ZDHHC8: variants seen among roughly 807,000 people sequenced by gnomAD.
The protein encoded by ZDHHC8 is palmitoyltransferase ZDHHC8.
In ZDHHC8, 24 loss-of-function variants were observed where a neutral mutation model predicts 61.2. The observed-to-expected ratio is 0.39, with a 90% CI of 0.28 to 0.55. ZDHHC8 has a LOEUF of 0.55. Among genes scored for constraint, ZDHHC8 ranks in the 20% least tolerant of loss-of-function variants. The pLI is 0.60. For synonymous variants in ZDHHC8, 523 were observed against 492.5 expected, an observed-to-expected ratio of 1.06 and a Z score of -0.82; for missense variants, 935 against 1,102.1, an observed-to-expected ratio of 0.85 and a Z score of 2.15.
chr22:20,139,862 A>T lies in ZDHHC8; in HGVS notation c.527A>T (p.Glu176Val). The change falls in exon 4 of 11, where the codon GAG becomes GTG. Residue 176 changes from glutamate (E) to valine (V), a missense_variant. Glu to Val is a moderately radical substitution (Grantham distance 121). Coordinates refer to ENST00000334554, the MANE Select transcript of ZDHHC8 (RefSeq NM_013373.4). ...CTGGTCTACGTGCTGAACCACGCTG[A>T]GGGGCTGGGAGCCGCGCACACCACC... ...FGLVYVLNHA[E>V]GLGAAHTTIT... The T allele has an allele frequency of 6.3e-7, 1 of 1,595,746 alleles. No homozygotes were observed. Among genetic ancestry groups the T allele is most frequent in the Non-Finnish European group, 8.5e-7 (1 of 1,170,530 alleles).
chr22:20,143,164 G>C lies in ZDHHC8; in HGVS notation c.1534G>C (p.Gly512Arg). ...AGYHSPYLHP[G>R]ATGDPPRPLP... The stretch of plus-strand genomic sequence containing the variant: ...ATACCACTCACCCTACCTGCATCCT[G>C]GGGCAACGGGCGACCCGCCACGGCC... Residue 512 changes from glycine (G) to arginine (R), a missense_variant, in exon 10 of 11, where the codon GGG (glycine) becomes CGG (arginine). Coordinates refer to ENST00000334554, the MANE Select transcript of ZDHHC8 (RefSeq NM_013373.4). The C allele has an allele frequency of 1.2e-6, 2 of 1,611,266 alleles. No homozygotes were observed. Among genetic ancestry groups the C allele is most frequent in the Non-Finnish European group, 1.7e-6 (2 of 1,179,752 alleles).
intron 1 of ZDHHC8, among the ~76,000 whole-genome samples, chr22:20,136,883 A>C (rs969383146): frequency 6.6e-6 from 1 of 152,152 alleles, no homozygotes; most frequent in Non-Finnish European, 1.5e-5. Context: ...GTGTGTGTCC[A>C]TGTCTTCACA....
chr22:20,141,387 C>G, intron 8 of ZDHHC8, 34 bp from the exon 9 acceptor site: 1 of 1,612,084 alleles, frequency 6.2e-7, no homozygotes, highest in Non-Finnish European at 8.5e-7. Context: ...TGACCCTCCT[C>G]TGACCTCAGT....
chr22:20,136,322 C>G (rs143163682), intron 1 of ZDHHC8, among the ~76,000 whole-genome samples: 258 of 152,394 alleles, frequency 1.7e-3, no homozygotes, highest in African/African-American at 6.1e-3. Context: ...TAGGCCCTGC[C>G]TGTGGGAATG....
At position 20,145,557 on chromosome 22, in the gene ZDHHC8, C is replaced by T; in HGVS notation, c.*157C>T. 1 of 1,288,272 alleles carries T rather than the reference C, an allele frequency of 7.8e-7. No homozygotes were observed. Among genetic ancestry groups the T allele is most frequent in the Non-Finnish European group, 9.8e-7 (1 of 1,017,856 alleles). The allele number at this position is 1,288,272 out of a possible 1,614,324, so 79.8% of individuals were successfully genotyped here. The stretch of plus-strand genomic sequence containing the variant: ...AGAGTGCCACGCCTCCACAGCTTGC[C>T]CCAAGCGCTCTGCCTGCCCGTCCAC... On this transcript the variant is annotated 3_prime_UTR_variant, in exon 11 of 11. Transcript: ENST00000334554.
Position 20,145,461 on chromosome 22 carries a change from C to G in ZDHHC8, c.*61C>G, listed in dbSNP as rs1192394277. On this transcript the variant is annotated 3_prime_UTR_variant, in exon 11 of 11. Coordinates refer to ENST00000334554, the MANE Select transcript of ZDHHC8 (RefSeq NM_013373.4). ...GGACCAGGACCCCACAGCGCACCCC[C>G]CCTCCCCACCAACTTCTCTGCCCCA... is the stretch of plus-strand genomic sequence containing the variant. 49 of 1,351,434 alleles carry G rather than the reference C, an allele frequency of 3.6e-5. No homozygotes were observed. The highest frequency in any genetic ancestry group is 4.5e-5 in the Non-Finnish European group (47 of 1,049,298). 83.7% of individuals were successfully genotyped at this position (1,351,434 alleles called of 1,614,324 possible).
intron 6 of ZDHHC8, 58 bp from the exon 7 acceptor site, chr22:20,140,813 C>T: frequency 2.5e-6 from 4 of 1,599,358 alleles, no homozygotes; most frequent in Non-Finnish European, 3.4e-6. Context: ...ATGGCCAGCC[C>T]TGCCCTTGTG....
chr22:20,141,374 G>T, intron 8 of ZDHHC8, 37 bp downstream of exon 8: 1 of 1,611,826 alleles, frequency 6.2e-7, no homozygotes, highest in East Asian at 2.2e-5. Flanking sequence ...GAGGGATATG[G>T]GTTGACCCTC....
Position 20,146,922 on chromosome 22 carries a change from G to A in ZDHHC8, c.*1522G>A. The A allele has an allele frequency of 7.4e-7, 1 of 1,347,226 alleles. No homozygotes were observed. The highest frequency in any genetic ancestry group is 9.5e-7 in the Non-Finnish European group (1 of 1,053,898). 83.5% of individuals were successfully genotyped at this position (1,347,226 alleles called of 1,614,324 possible). A position where few individuals can be genotyped will look rare whatever the true frequency, so the allele number is the denominator to read the frequency against. On this transcript the variant is annotated 3_prime_UTR_variant, in exon 11 of 11. Transcript: ENST00000334554. Reference sequence around the variant, plus strand: ...CAGCTGTTCAGGGCTGAGACATTCTGGGCTGGGGCTGTCCCAGCGTGGGAG... The same window carrying A: ...CAGCTGTTCAGGGCTGAGACATTCTAGGCTGGGGCTGTCCCAGCGTGGGAG...
intron 9 of ZDHHC8, among the ~76,000 whole-genome samples, chr22:20,142,148 C>T (rs745312763): frequency 3.3e-5 from 5 of 152,178 alleles, no homozygotes; most frequent in Non-Finnish European, 7.4e-5. Flanking sequence ...GGACCTCTCC[C>T]CTCAGGACTG....
Position 20,143,726 on chromosome 22 carries a change from C to T in ZDHHC8, c.2096C>T (p.Pro699Leu). 1.2e-6 allele frequency: 2 copies of T among 1,609,966 alleles called. No homozygotes were observed. Among genetic ancestry groups the T allele is most frequent in the African/African-American group, 1.3e-5 (1 of 75,012 alleles). Residue 699 changes from proline (P) to leucine (L), a missense_variant, in exon 10 of 11, where the codon CCA becomes CTA. This residue lies in a region of ZDHHC8 where 692 missense variants were observed against 731.4 expected (regional missense o/e 0.95). Transcript: ENST00000334554. ...KAVAFIHTDL[P>L]EPPPSLTVQR... ...GTCGCCTTCATCCACACGGACCTCCCAGAGCCACCGCCCTCGCTGACCGTG... is the reference window on the plus strand; with the variant it reads ...GTCGCCTTCATCCACACGGACCTCCTAGAGCCACCGCCCTCGCTGACCGTG...
chr22:20,144,863 G>T (rs1202705144), intron 10 of ZDHHC8, among the ~76,000 whole-genome samples: 2 of 152,252 alleles, frequency 1.3e-5, no homozygotes, highest in African/African-American at 4.8e-5. Flanking sequence ...ATGAGGCCAG[G>T]CAGAGTGGCT....
At chr22:20,133,653 C>A (rs558825650) in intron 1 of ZDHHC8, among the ~76,000 whole-genome samples, 2 of 149,722 alleles carry the variant, frequency 1.3e-5, no homozygotes, top group South Asian at 4.2e-4. Context: ...CACTTGAACC[C>A]GTAAGGCGGA....
At position 20,140,666 on chromosome 22, in the gene ZDHHC8, G is replaced by A; in HGVS notation, c.710G>A (p.Cys237Tyr). The A allele has an allele frequency of 1.2e-6, 2 of 1,612,032 alleles. No homozygotes were observed. The highest frequency in any genetic ancestry group is 8.5e-7 in the Non-Finnish European group (1 of 1,179,648). ...GGVNPFTRGC[C>Y]GNVEHVLCSP... is the part of the protein sequence containing the mutation. ...GTGAACCCTTTCACCCGAGGCTGCT[G>A]TGGGAATGTGGAGCACGTGCTGTGT... Residue 237 changes from cysteine to tyrosine, a missense_variant, in exon 6 of 11, where the codon TGT (cysteine) becomes TAT (tyrosine). By Grantham distance (194) the Cys-to-Tyr change is radical. This residue lies in a region of ZDHHC8 where 199 missense variants were observed against 334.0 expected (regional missense o/e 0.60). Coordinates refer to ENST00000334554, the MANE Select transcript of ZDHHC8 (RefSeq NM_013373.4).
At chr22:20,135,157 C>G (rs2050409373) in intron 1 of ZDHHC8, among the ~76,000 whole-genome samples, 1 of 151,828 alleles carries the variant, frequency 6.6e-6, no homozygotes, top group Non-Finnish European at 1.5e-5. Flanking sequence ...CGCTATGTTG[C>G]CCAGGCTATT....
At position 20,145,237 on chromosome 22, in the gene ZDHHC8, C is replaced by G; in HGVS notation, c.2135C>G (p.Pro712Arg). ...PPSLTVQRDH[P>R]QLKTPPSKLN... ...TGCTTGTTTTGATGCAGGGACCACC[C>G]TCAGCTGAAGACTCCCCCAAGTAAG... The change falls in exon 11 of 11, where the codon CCT (proline) becomes CGT (arginine). Residue 712 changes from proline (P) to arginine (R), a missense_variant. By Grantham distance (103) the Pro-to-Arg change is moderately radical. Around this residue, in one of 3 missense-constraint regions of ZDHHC8, gnomAD observed 692 missense variants for 731.4 expected, o/e 0.95. Coordinates refer to ENST00000334554, the MANE Select transcript of ZDHHC8 (RefSeq NM_013373.4). 6.7e-7 allele frequency: 1 copy of G among 1,494,480 alleles called. No individual in the cohort carries two copies. The highest frequency in any genetic ancestry group is 2.5e-5 in the East Asian group (1 of 40,132). The allele number at this position is 1,494,480 out of a possible 1,614,324, so 92.6% of individuals were successfully genotyped here.
At position 20,139,530 on chromosome 22, in the gene ZDHHC8, C is replaced by T. The variant is rs1381266438; in HGVS notation, c.279C>T (p.Asn93=). ...ACTTCCGGGCTCCGCTGTACAAGAA[C>T]GTGGATGTGCGAGGTATCCAGGTCC... The part of the protein sequence containing the change: ...EDDFRAPLYK[N]VDVRGIQVRM... Residue 93 remains asparagine, a synonymous_variant, in exon 3 of 11, where the codon AAC becomes AAT. Transcript: ENST00000334554. 1.9e-5 allele frequency: 30 copies of T among 1,613,442 alleles called. No homozygotes were observed. In the Middle Eastern group the frequency reaches 4.9e-4, roughly 27 times the overall value.
At chr22:20,145,184 G>A (rs778187980) in intron 10 of ZDHHC8, 45 bp from the exon 11 acceptor site, 10 of 1,378,346 alleles carry the variant, frequency 7.3e-6, no homozygotes, top group African/African-American at 4.5e-5. Context: ...CCCCGTGTTC[G>A]TGTGTTCACC....
At chr22:20,132,891 G>A (rs560582211) in intron 1 of ZDHHC8, among the ~76,000 whole-genome samples, 2 of 152,324 alleles carry the variant, frequency 1.3e-5, no homozygotes, top group East Asian at 1.9e-4. Flanking sequence ...TCCAGGCTTC[G>A]GTTGCACAGA....
Sources: gnomAD v4.1 joint callset for allele counts (sites outside exome capture counted in the v4.1 genomes callset) on GRCh38, gnomAD v4.1.1 for gene constraint, gnomAD v4.1.1 regional missense constraint, MANE v1.5 for transcripts, NCBI Gene and HGNC (gene_info 2026-07-23, HGNC 2026-07-21) for gene names.